PLSCR4: variants seen among roughly 807,000 people sequenced by gnomAD.
PLSCR4 encodes Ca(2+)-dependent phospholipid scramblase 4.
A neutral mutation model predicts 36.3 loss-of-function variants in PLSCR4; 25 were observed. That is an observed-to-expected ratio of 0.69 (90% CI 0.50 to 0.96). The LOEUF is 0.96. Ranked by LOEUF, PLSCR4 falls within the 40% of genes least tolerant of loss-of-function variation. The pLI is 0.00. For missense variants in PLSCR4, 408 were observed against 414.7 expected (o/e 0.98, Z 0.14); for synonymous variants, 122 against 132.9 (o/e 0.92, Z 0.56).
chr3:146,212,669 G>T (rs539694130), intron 3 of PLSCR4, among the ~76,000 whole-genome samples: 108 of 152,014 alleles, frequency 7.1e-4, no homozygotes, highest in African/African-American at 2.3e-3. Flanking sequence ...AATGGAGATG[G>T]TTTTGTTTCT....
chr3:146,235,181 A>G (rs1434593591), intron 1 of PLSCR4, among the ~76,000 whole-genome samples: 6 of 152,132 alleles, frequency 3.9e-5, no homozygotes, highest in African/African-American at 1.4e-4. Context: ...CTGTGTCCCC[A>G]CCCAAATCTC....
chr3:146,237,245 AAG>A (rs1458686983), intron 1 of PLSCR4, among the ~76,000 whole-genome samples: 2 of 152,280 alleles, frequency 1.3e-5, no homozygotes, highest in Admixed American at 6.5e-5. Context: ...ATATTTCATA[AAG>A]AGAAGAAAAA....
At chr3:146,198,777 TA>T (rs1000157552) in intron 6 of PLSCR4, among the ~76,000 whole-genome samples, 6 of 151,582 alleles carry the variant, frequency 4.0e-5, no homozygotes, top group Non-Finnish European at 7.4e-5. Context: ...AGGCTTTGAT[TA>T]AAAAAAAATC....
chr3:146,234,015 CATAAT>C (rs1039780058), intron 1 of PLSCR4, among the ~76,000 whole-genome samples: 2 of 152,028 alleles, frequency 1.3e-5, no homozygotes, highest in African/African-American at 4.8e-5. Flanking sequence ...ACCCAAAAAA[CATAAT>C]AGGTCATATG....
At chr3:146,214,876 G>T (rs2034821910) in intron 3 of PLSCR4, among the ~76,000 whole-genome samples, 1 of 152,070 alleles carries the variant, frequency 6.6e-6, no homozygotes, top group Admixed American at 6.6e-5. Flanking sequence ...GGGTATAACA[G>T]TCTCCAACTA....
At chr3:146,217,035 G>A (rs1476024632) in intron 3 of PLSCR4, among the ~76,000 whole-genome samples, 1 of 152,136 alleles carries the variant, frequency 6.6e-6, no homozygotes, top group Non-Finnish European at 1.5e-5. Context: ...TTTTATCTAT[G>A]AAATATTCCT....
At position 146,220,914 on chromosome 3, in the gene PLSCR4, T is replaced by C. The variant is rs577239950; in HGVS notation, c.19A>G (p.Thr7Ala). MSGVVP[T>A]APEQPAGEME... ...TCACCTGCAGGCTGTTCAGGGGCTG[T>C]GGGTACCACACCTTCAGGGGAAGAC... Residue 7 changes from threonine to alanine, a missense_variant, in exon 3 of 9, where the codon ACA becomes GCA. Transcript: ENST00000354952. 4 of 1,610,132 alleles carry C rather than the reference T, an allele frequency of 2.5e-6. No homozygotes were observed. The South Asian group carries it at 4.4e-5, about 18-fold the overall frequency.
chr3:146,238,747 A>G (rs895960027), intron 1 of PLSCR4, among the ~76,000 whole-genome samples: 1 of 152,164 alleles, frequency 6.6e-6, no homozygotes, highest in Non-Finnish European at 1.5e-5. Context: ...AAGAGTATGT[A>G]CTGTTACTAT....
intron 1 of PLSCR4, among the ~76,000 whole-genome samples, chr3:146,229,782 G>A (rs1042276668): frequency 4.0e-5 from 6 of 151,686 alleles, no homozygotes; most frequent in African/African-American, 1.2e-4. Flanking sequence ...CCGCCACCAC[G>A]CCTGGCTAAT....
chr3:146,238,027 G>A (rs1051636907), intron 1 of PLSCR4, among the ~76,000 whole-genome samples: 1 of 151,292 alleles, frequency 6.6e-6, no homozygotes, highest in Non-Finnish European at 1.5e-5. Flanking sequence ...ACCTTACATT[G>A]AAAAGAAAAA....
At chr3:146,196,979 G>A (rs1048610492) in intron 6 of PLSCR4, among the ~76,000 whole-genome samples, 186 bp from the exon 7 acceptor site, 13 of 152,214 alleles carry the variant, frequency 8.5e-5, no homozygotes, top group African/African-American at 2.2e-4. Flanking sequence ...AAGCTTTAAC[G>A]GATGAGGTCA....
At chr3:146,204,245 A>G (rs1174776713) in intron 4 of PLSCR4, among the ~76,000 whole-genome samples, 1 of 152,052 alleles carries the variant, frequency 6.6e-6, no homozygotes, top group Non-Finnish European at 1.5e-5. Context: ...ATAAAGATTC[A>G]TGTAATCTTC....
intron 5 of PLSCR4, 125 bp from the exon 6 acceptor site, chr3:146,200,164 A>G: frequency 1.6e-6 from 1 of 620,450 alleles, no homozygotes; most frequent in Non-Finnish European, 2.8e-6. Flanking sequence ...TGAAATATGT[A>G]GAATTGATTA....
At chr3:146,218,456 T>C (rs2034990461) in intron 3 of PLSCR4, among the ~76,000 whole-genome samples, 1 of 151,830 alleles carries the variant, frequency 6.6e-6, no homozygotes. Flanking sequence ...CATTTAGATT[T>C]TGAGGCTATT....
chr3:146,209,363 C>G (rs565179577), intron 3 of PLSCR4, among the ~76,000 whole-genome samples: 2 of 152,056 alleles, frequency 1.3e-5, no homozygotes, highest in East Asian at 1.9e-4. Flanking sequence ...AATATCACCA[C>G]TAAAGAACTT....
intron 1 of PLSCR4, among the ~76,000 whole-genome samples, chr3:146,238,379 T>C (rs925380139): frequency 6.6e-6 from 1 of 151,960 alleles, no homozygotes; most frequent in African/African-American, 2.4e-5. Flanking sequence ...CCATGAAGAA[T>C]ACTGACACAA....
chr3:146,227,171 A>G (rs979067195), intron 1 of PLSCR4, among the ~76,000 whole-genome samples: 2 of 152,190 alleles, frequency 1.3e-5, no homozygotes, highest in Non-Finnish European at 2.9e-5. Flanking sequence ...TTTTGGCTTC[A>G]TATCTGTCAG....
chr3:146,202,678 T>A (rs921079646), intron 4 of PLSCR4, among the ~76,000 whole-genome samples: 1 of 152,070 alleles, frequency 6.6e-6, no homozygotes, highest in Admixed American at 6.6e-5. Context: ...TAGCACATGA[T>A]GTTCTTTTTA....
intron 3 of PLSCR4, 35 bp from the exon 4 acceptor site, chr3:146,206,796 T>TA: frequency 7.8e-7 from 1 of 1,288,974 alleles, no homozygotes. Flanking sequence ...TTATATATTA[T>TA]TAACACTAAA....
Sources: gnomAD v4.1 joint callset for allele counts (sites outside exome capture counted in the v4.1 genomes callset) on GRCh38, gnomAD v4.1.1 for gene constraint, MANE v1.5 for transcripts, NCBI Gene and HGNC (gene_info 2026-07-23, HGNC 2026-07-21) for gene names.